Variants in LINGO2 observed in about 807,000 individuals in gnomAD.
LINGO2 encodes the protein leucine-rich repeat and immunoglobulin-like domain-containing nogo receptor-interacting protein 2.
LINGO2 carries 14 observed loss-of-function variants against 30.6 expected under a neutral mutation model. The ratio of observed to expected loss-of-function variants is 0.46; its 90% CI spans 0.30 to 0.72. The LOEUF (loss-of-function observed/expected upper bound fraction) is 0.72, where lower values mean the gene tolerates loss of function less well. LINGO2 is among the 30% of genes least tolerant of loss of function. The pLI is 0.07. For synonymous variants in LINGO2, 317 were observed against 288.5 expected, an observed-to-expected ratio of 1.10 and a Z score of -1.00; for missense variants, 729 against 751.7, an observed-to-expected ratio of 0.97 and a Z score of 0.35.
chr9:28,990,856 A>G, the LINGO2 span, among the ~76,000 whole-genome samples: 1 of 152,172 alleles, frequency 6.6e-6, no homozygotes, highest in Non-Finnish European at 1.5e-5. Context: ...ACCCATCTGT[A>G]CATCACCATC....
At chr9:28,126,722 T>C (rs753026934) in intron 4 of LINGO2, among the ~76,000 whole-genome samples, 12 of 152,330 alleles carry the variant, frequency 7.9e-5, no homozygotes, top group Admixed American at 5.2e-4. Flanking sequence ...CAAATAAATA[T>C]CAACTTTACA....
the LINGO2 span, among the ~76,000 whole-genome samples, chr9:29,200,019 T>C: frequency 2.6e-5 from 4 of 151,994 alleles, no homozygotes; most frequent in East Asian, 7.7e-4. Context: ...AATTATCACA[T>C]ATCACCAAGA....
Position 28,494,372 on chromosome 9 carries a change from C to A in LINGO2, c.-364-18347G>T, listed in dbSNP as rs914307545. On this transcript the variant is annotated intron_variant, in intron 1 of 5. Transcript: ENST00000379992. ...CCTAATGTTATCCCTCCTCCTTCCC[C>A]CCACCCCACTACAGGCCTCAGTATG... Among the ~76,000 whole-genome samples, 3 of 152,116 alleles carry A rather than the reference C, an allele frequency of 2.0e-5. No homozygotes were observed. The East Asian group carries it at 5.8e-4, about 30-fold the overall frequency.
intron 1 of LINGO2, among the ~76,000 whole-genome samples, chr9:28,495,853 A>G (rs927670944): frequency 2.0e-5 from 3 of 151,954 alleles, no homozygotes; most frequent in Non-Finnish European, 2.9e-5. Flanking sequence ...ATTCTGGTAT[A>G]TTGTGTCTTT....
chr9:28,994,479 A>G, the LINGO2 span, among the ~76,000 whole-genome samples: 3 of 151,466 alleles, frequency 2.0e-5, no homozygotes, highest in African/African-American at 7.3e-5. Flanking sequence ...ATCCCCATCA[A>G]GCTACCAATG....
At chr9:28,787,836 A>G in the LINGO2 span, among the ~76,000 whole-genome samples, 4 of 152,166 alleles carry the variant, frequency 2.6e-5, no homozygotes, top group African/African-American at 9.7e-5. Context: ...AATGATTGGC[A>G]TATATTTTTA....
the LINGO2 span, among the ~76,000 whole-genome samples, chr9:29,102,305 T>G: frequency 1.3e-5 from 2 of 152,042 alleles, no homozygotes; most frequent in Non-Finnish European, 2.9e-5. Context: ...ATGGTCTCGA[T>G]CTCCTGATCT....
At chr9:28,074,474 G>C (rs1243879872) in intron 4 of LINGO2, among the ~76,000 whole-genome samples, 1 of 152,152 alleles carries the variant, frequency 6.6e-6, no homozygotes, top group East Asian at 1.9e-4. Flanking sequence ...GGCACTGAAG[G>C]TATTGCTATG....
chr9:28,010,681 G>A (rs1359010977), intron 5 of LINGO2, among the ~76,000 whole-genome samples: 2 of 152,212 alleles, frequency 1.3e-5, no homozygotes, highest in Admixed American at 1.3e-4. Context: ...GGACACAGTG[G>A]CTGGCTTACG....
chr9:28,359,656 C>T (rs537187722), intron 3 of LINGO2, among the ~76,000 whole-genome samples: 1 of 152,228 alleles, frequency 6.6e-6, no homozygotes, highest in Non-Finnish European at 1.5e-5. Flanking sequence ...AAATAAGCAG[C>T]TGTTTTTTCT....
chr9:29,194,339 A>C, the LINGO2 span, among the ~76,000 whole-genome samples: 1 of 152,066 alleles, frequency 6.6e-6, no homozygotes, highest in Non-Finnish European at 1.5e-5. Context: ...TATTGCTACC[A>C]ACCCCTACTG....
At chr9:28,768,613 G>GACACACACACAC in the LINGO2 span, among the ~76,000 whole-genome samples, 19 of 144,510 alleles carry the variant, frequency 1.3e-4, no homozygotes, top group South Asian at 9.1e-4. Flanking sequence ...GACAGACTGG[G>GACACACACACAC]ACACACACAC....
chr9:28,650,470 A>G (rs577272787), intron 1 of LINGO2, among the ~76,000 whole-genome samples: 1 of 152,276 alleles, frequency 6.6e-6, no homozygotes, highest in South Asian at 2.1e-4. Context: ...TGGTCCCCAA[A>G]GCTAAATGAA....
chr9:28,251,064 A>G (rs879471471), intron 4 of LINGO2, among the ~76,000 whole-genome samples: 6 of 152,172 alleles, frequency 3.9e-5, no homozygotes, highest in Non-Finnish European at 7.4e-5. Flanking sequence ...AAAGAAAAAA[A>G]AAATTAATTT....
the LINGO2 span, among the ~76,000 whole-genome samples, chr9:28,681,309 G>C: frequency 6.6e-6 from 1 of 151,986 alleles, no homozygotes; most frequent in African/African-American, 2.4e-5. Flanking sequence ...AAGTTAATTG[G>C]CGGTTGGTAA....
the LINGO2 span, among the ~76,000 whole-genome samples, chr9:28,784,448 T>A: frequency 6.6e-6 from 1 of 152,192 alleles, no homozygotes; most frequent in Admixed American, 6.5e-5. Flanking sequence ...TATTAGTAAT[T>A]TAAACTAGAC....
At chr9:28,790,234 T>C in the LINGO2 span, among the ~76,000 whole-genome samples, 2 of 152,102 alleles carry the variant, frequency 1.3e-5, no homozygotes, top group Admixed American at 1.3e-4. Flanking sequence ...CTCACCTGAC[T>C]TATCATTACG....
the LINGO2 span, among the ~76,000 whole-genome samples, chr9:28,931,239 G>A: frequency 1.3e-5 from 2 of 152,144 alleles, no homozygotes; most frequent in Non-Finnish European, 2.9e-5. Flanking sequence ...TTTTGAGTAC[G>A]TGAAAACCCT....
the LINGO2 span, among the ~76,000 whole-genome samples, chr9:28,783,865 C>A: frequency 6.6e-6 from 1 of 152,198 alleles, no homozygotes; most frequent in Non-Finnish European, 1.5e-5. Flanking sequence ...GATCCAGTGT[C>A]TGGTGACAGC....
Sources: allele counts gnomAD v4.1 joint callset (sites outside exome capture counted in the v4.1 genomes callset), GRCh38; gene constraint gnomAD v4.1.1; transcripts MANE v1.5; gene names NCBI Gene and HGNC (gene_info 2026-07-23, HGNC 2026-07-21).